The following HUS1 variants were observed in gnomAD, a reference collection of about 807,000 sequenced individuals.
HUS1 encodes the protein HUS1 checkpoint clamp component.
In HUS1, 31 loss-of-function variants were observed where a neutral mutation model predicts 32.6. The ratio of observed to expected loss-of-function variants is 0.95; its 90% CI spans 0.72 to 1.28. HUS1 has a LOEUF of 1.28. HUS1 is among the 50% of genes most tolerant of loss of function. The probability of loss-of-function intolerance (pLI) is 0.00; values close to 1 mark genes in which losing one functional copy is unlikely to be tolerated. For missense variants in HUS1, 340 were observed against 337.7 expected, an observed-to-expected ratio of 1.01 and a Z score of -0.05; for synonymous variants, 123 against 116.6, an observed-to-expected ratio of 1.06 and a Z score of -0.36.
Position 47,963,392 on chromosome 7 carries a change from C to T in HUS1, c.*1964G>A, listed in dbSNP as rs1487063390. The stretch of plus-strand genomic sequence containing the variant: ...TATATGTATTTGATAATAAACATCA[C>T]ATAGAGCAAATGGTTAAGTCACTAA... On this transcript the variant is annotated 3_prime_UTR_variant, in exon 8 of 8. Transcript: ENST00000258774. 1 of 152,206 alleles carries T rather than the reference C, an allele frequency of 6.6e-6. No homozygotes were observed. The highest frequency in any genetic ancestry group is 1.5e-5 in the Non-Finnish European group (1 of 68,042). 9.4% of individuals were successfully genotyped at this position (152,206 alleles called of 1,614,324 possible). A position where few individuals can be genotyped will look rare whatever the true frequency, so the allele number is the denominator to read the frequency against.
intron 5 of HUS1, chr7:47,971,137 A>C (rs1383620354): frequency 6.1e-6 from 1 of 163,478 alleles, no homozygotes; most frequent in African/African-American, 2.4e-5. Context: ...AAGAATGTGG[A>C]AATCAGTGTC....
At chr7:47,968,195 T>C (rs918578757) in intron 6 of HUS1, among the ~76,000 whole-genome samples, 2 of 152,156 alleles carry the variant, frequency 1.3e-5, no homozygotes, top group African/African-American at 2.4e-5. Context: ...ATTTTATTTA[T>C]TTGTACTTAC....
At chr7:47,969,750 G>A (rs984551418) in intron 5 of HUS1, among the ~76,000 whole-genome samples, 4 of 151,446 alleles carry the variant, frequency 2.6e-5, no homozygotes, top group Non-Finnish European at 5.9e-5. Context: ...GGGCACCTTG[G>A]GCAAAAAAAA....
In HUS1 at chr7:47,970,106, G is replaced by A. The variant is rs3176574; in HGVS notation, c.541-788C>T. On this transcript the variant is annotated intron_variant, in intron 5 of 7. Coordinates refer to ENST00000258774, the MANE Select transcript of HUS1 (RefSeq NM_004507.4). Reference sequence around the variant, plus strand: ...AAATTAGCCGGGCGTGGTGGCGGGCGCCTGTAGTCCCAGCTACTCGGGAGG... The same window carrying A: ...AAATTAGCCGGGCGTGGTGGCGGGCACCTGTAGTCCCAGCTACTCGGGAGG... Among the ~76,000 whole-genome samples, 450 of 151,680 alleles carry A rather than the reference G, an allele frequency of 3.0e-3. 5 individuals are homozygous for A. Among genetic ancestry groups the A allele is most frequent in the African/African-American group, 1.0e-2 (412 of 41,396 alleles).
intron 5 of HUS1, chr7:47,971,545 G>A (rs887135433): frequency 1.8e-5 from 8 of 456,582 alleles, no homozygotes; most frequent in African/African-American, 1.6e-4. Context: ...CCACAGTATG[G>A]TTTGAGGTTT....
At chr7:47,970,082 A>T (rs1788563908) in intron 5 of HUS1, among the ~76,000 whole-genome samples, 1 of 151,714 alleles carries the variant, frequency 6.6e-6, no homozygotes, top group African/African-American at 2.4e-5. Context: ...AAATACAAAA[A>T]ATTAGCCGGG....
chr7:47,973,445 T>A (rs1003012138), intron 5 of HUS1, among the ~76,000 whole-genome samples: 3 of 152,166 alleles, frequency 2.0e-5, no homozygotes, highest in Non-Finnish European at 4.4e-5. Flanking sequence ...TCTTAGAACA[T>A]GATGTCAATT....
In HUS1 at chr7:47,978,701, ACAC is replaced by A; in HGVS notation, c.165_167del (p.Trp55del). 1 of 1,614,110 alleles carries A rather than the reference ACAC, an allele frequency of 6.2e-7. No individual in the cohort carries two copies. The highest frequency in any genetic ancestry group is 8.5e-7 in the Non-Finnish European group (1 of 1,179,968). On this transcript the variant is annotated inframe_deletion, in exon 2 of 8. Coordinates refer to ENST00000258774, the MANE Select transcript of HUS1 (RefSeq NM_004507.4). ...AGCTTTTGCTCACCTGTTCCAGCTC[ACAC>A]CACATGCTCACTCCTCCATTAGCCA...
chr7:47,966,724 T>C (rs1053532201), intron 7 of HUS1, among the ~76,000 whole-genome samples: 1 of 152,152 alleles, frequency 6.6e-6, no homozygotes, highest in Non-Finnish European at 1.5e-5. Context: ...GAAGCACCTT[T>C]AAGGACCCTG....
Position 47,979,567 on chromosome 7 carries a change from G to T in HUS1, c.-48C>A. Reference sequence around the variant, plus strand: ...GCGGGCCTCTGTGGGTAACAGAAAAGCGTCGCGCCCTGAGTGTCCCCGCCC... The same window carrying T: ...GCGGGCCTCTGTGGGTAACAGAAAATCGTCGCGCCCTGAGTGTCCCCGCCC... On this transcript the variant is annotated 5_prime_UTR_variant, in exon 1 of 8. Coordinates refer to ENST00000258774, the MANE Select transcript of HUS1 (RefSeq NM_004507.4). 1 of 1,493,332 alleles carries T rather than the reference G, an allele frequency of 6.7e-7. No homozygotes were observed. Among genetic ancestry groups the T allele is most frequent in the Non-Finnish European group, 9.3e-7 (1 of 1,076,566 alleles). 92.5% of individuals were successfully genotyped at this position (1,493,332 alleles called of 1,614,324 possible).
chr7:47,978,794 C>T lies in HUS1; in HGVS notation c.75G>A (p.Lys25=). Residue 25 remains lysine, a synonymous_variant, in exon 2 of 8, where the codon AAG becomes AAA. Transcript: ENST00000258774. ...HFTRISNMIA[K]LAKTCTLRIS... ...TGCGGAGGGTGCAGGTTTTGGCAAG[C>T]TTGGCTATCATGTTACTGATTCCTA... 6.2e-7 allele frequency: 1 copy of T among 1,614,070 alleles called. No homozygotes were observed. The highest frequency in any genetic ancestry group is 1.1e-5 in the South Asian group (1 of 91,072).
rs749387979 is a variant in HUS1, at chr7:47,978,590, T to C, written c.184A>G (p.Asn62Asp). The change falls in exon 3 of 8, where the codon AAC becomes GAC. Residue 62 changes from asparagine (N) to aspartate (D), a missense_variant. Coordinates refer to ENST00000258774, the MANE Select transcript of HUS1 (RefSeq NM_004507.4). Reference sequence around the variant, plus strand: ...TCCATTTGAAATTCGTTGAAGAAGTTCTCCTAAGGGAAAAAAAATGAGGGA... The same window carrying C: ...TCCATTTGAAATTCGTTGAAGAAGTCCTCCTAAGGGAAAAAAAATGAGGGA... ...VSMWCELEQENFFNEFQMEGV... is the reference protein window; with the variant it reads ...VSMWCELEQEDFFNEFQMEGV... 1.2e-6 allele frequency: 2 copies of C among 1,613,882 alleles called. No homozygotes were observed. The highest frequency in any genetic ancestry group is 1.7e-6 in the Non-Finnish European group (2 of 1,179,742).
At chr7:47,974,950 G>T (rs1431707088) in intron 5 of HUS1, among the ~76,000 whole-genome samples, 3 of 152,170 alleles carry the variant, frequency 2.0e-5, no homozygotes, top group Non-Finnish European at 2.9e-5. Flanking sequence ...ACGCAGACAG[G>T]AAACTCCAAA....
chr7:47,975,463 C>A, intron 5 of HUS1, 150 bp downstream of exon 5: 12 of 636,602 alleles, frequency 1.9e-5, no homozygotes, highest in Non-Finnish European at 3.1e-5. Context: ...AACTAGCAAT[C>A]TGCAGGTTCT....
rs937417456 is a variant in HUS1, at chr7:47,965,325, G to C, written c.*31C>G. 1.3e-6 allele frequency: 2 copies of C among 1,505,186 alleles called. No individual in the cohort carries two copies. Among genetic ancestry groups the C allele is most frequent in the African/African-American group, 2.7e-5 (2 of 72,988 alleles). 93.2% of individuals were successfully genotyped at this position (1,505,186 alleles called of 1,614,324 possible). A position where few individuals can be genotyped will look rare whatever the true frequency, so the allele number is the denominator to read the frequency against. On this transcript the variant is annotated 3_prime_UTR_variant, in exon 8 of 8. Coordinates refer to ENST00000258774, the MANE Select transcript of HUS1 (RefSeq NM_004507.4). ...CTGCGGCCTCTCCCATCCTGACAAA[G>C]TCTCTGCATGCCAACTCCAGCGACA...
Position 47,979,569 on chromosome 7 carries a change from G to T in HUS1, c.-50C>A, listed in dbSNP as rs1247079209. ...GGGCCTCTGTGGGTAACAGAAAAGC[G>T]TCGCGCCCTGAGTGTCCCCGCCCGG... On this transcript the variant is annotated 5_prime_UTR_variant, in exon 1 of 8. Transcript: ENST00000258774. The T allele has an allele frequency of 2.0e-6, 3 of 1,469,474 alleles. No individual in the cohort carries two copies. The highest frequency in any genetic ancestry group is 1.4e-5 in the African/African-American group (1 of 72,226). The allele number at this position is 1,469,474 out of a possible 1,614,324, so 91.0% of individuals were successfully genotyped here. A position where few individuals can be genotyped will look rare whatever the true frequency, so the allele number is the denominator to read the frequency against.
chr7:47,977,211 A>G (rs1415576570), intron 3 of HUS1, among the ~76,000 whole-genome samples: 1 of 152,290 alleles, frequency 6.6e-6, no homozygotes, highest in East Asian at 1.9e-4. Flanking sequence ...GACATTTCAG[A>G]TACCACCAAA....
At chr7:47,972,651 A>T (rs3176554) in intron 5 of HUS1, among the ~76,000 whole-genome samples, 1 of 123,298 alleles carries the variant, frequency 8.1e-6, no homozygotes, top group Admixed American at 8.5e-5. Flanking sequence ...ATTATCTCTA[A>T]ATTTTTAAAA....
chr7:47,977,221 A>AAGC (rs573977630), intron 3 of HUS1, among the ~76,000 whole-genome samples: 188 of 152,226 alleles, frequency 1.2e-3, no homozygotes, highest in African/African-American at 4.4e-3. Flanking sequence ...ATACCACCAA[A>AAGC]AGCAGGAGAA....
Sources: allele counts gnomAD v4.1 joint callset (sites outside exome capture counted in the v4.1 genomes callset), GRCh38; gene constraint gnomAD v4.1.1; transcripts MANE v1.5; gene names NCBI Gene and HGNC (gene_info 2026-07-23, HGNC 2026-07-21).